MROH2A: variants seen among roughly 807,000 people sequenced by gnomAD.
MROH2A encodes the protein maestro heat-like repeat-containing protein family member 2A.
A neutral mutation model predicts 200.4 loss-of-function variants in MROH2A; 174 were observed. The ratio of observed to expected loss-of-function variants is 0.87; its 90% confidence interval spans 0.77 to 0.98. The LOEUF (loss-of-function observed/expected upper bound fraction) is 0.98. Ranked by LOEUF, MROH2A falls within the 50% of genes least tolerant of loss-of-function variation. MROH2A has a pLI of 0.00. For synonymous variants in MROH2A, 829 were observed against 840.4 expected (o/e 0.99, Z 0.23); for missense variants, 2,045 against 2,139.6 (o/e 0.96, Z 0.87).
chr2:233,799,274 C>T (rs1199712860), intron 12 of MROH2A, among the ~76,000 whole-genome samples: 2 of 152,160 alleles, frequency 1.3e-5, no homozygotes, highest in East Asian at 1.9e-4. Flanking sequence ...TGGTTCTGGC[C>T]ATGGGCTGGG....
Position 233,779,441 on chromosome 2 carries a change from T to TA in MROH2A, c.84dup (p.His29ThrfsTer2). 6.5e-7 allele frequency: 1 copy of TA among 1,548,738 alleles called. No homozygotes were observed. Among genetic ancestry groups the TA allele is most frequent in the Non-Finnish European group, 8.7e-7 (1 of 1,145,466 alleles). On this transcript the variant is annotated frameshift_variant, in exon 2 of 42. Coordinates refer to ENST00000389758, the MANE Select transcript of MROH2A (RefSeq NM_001394639.1). LOFTEE classifies it high-confidence loss of function. ...AGAGACGACCTGGGGCCTCTTGAAT[T>TA]ACATGACAGTGGTAAGAATGTCATC...
intron 24 of MROH2A, among the ~76,000 whole-genome samples, 156 bp from the exon 25 acceptor site, chr2:233,813,514 A>T (rs1202687009): frequency 6.6e-6 from 1 of 152,214 alleles, no homozygotes; most frequent in African/African-American, 2.4e-5. Flanking sequence ...GGTCAGAGCC[A>T]GGGCCCCTGG....
rs1208823169 is a variant in MROH2A, at chr2:233,796,061, A to G, written c.1138+16A>G. The G allele has an allele frequency of 1.3e-6, 2 of 1,549,618 alleles. No individual in the cohort carries two copies. The highest frequency in any genetic ancestry group is 1.7e-6 in the Non-Finnish European group (2 of 1,146,478). On this transcript the variant is annotated intron_variant, in intron 10 of 41. Transcript: ENST00000389758. ...GTAGCCCTTGGTGAGGCTCTGCGGC[A>G]GGGTGCTCCCTGCCTGCCCCGAGGC...
rs758544491 is a variant in MROH2A, at chr2:233,793,816, A to G, written c.814A>G (p.Asn272Asp). The G allele has an allele frequency of 7.7e-6, 11 of 1,421,348 alleles. No homozygotes were observed. The highest frequency in any genetic ancestry group is 1.0e-5 in the Non-Finnish European group (11 of 1,084,278). 88.0% of individuals were successfully genotyped at this position (1,421,348 alleles called of 1,614,324 possible). The change falls in exon 7 of 42, where the codon AAC becomes GAC. Residue 272 changes from asparagine (N) to aspartate (D), a missense_variant. This residue lies in a region of MROH2A where 831 missense variants were observed against 800.0 expected (regional missense o/e 1.04). Transcript: ENST00000389758. ...YFVTVWLRHY[N>D]PEVKLGVIKS... ...CGTGACAGTGTGGCTGAGGCACTAC[A>G]ACCCCGAGGTGAGATGCACCCCTCT...
chr2:233,823,322 A>G (rs1224466433), intron 34 of MROH2A, among the ~76,000 whole-genome samples: 1 of 152,202 alleles, frequency 6.6e-6, no homozygotes, highest in Non-Finnish European at 1.5e-5. Flanking sequence ...GTCACTCCGG[A>G]GCCGCCCTCA....
chr2:233,798,474 A>C (rs2126120941), intron 11 of MROH2A, among the ~76,000 whole-genome samples: 1 of 152,312 alleles, frequency 6.6e-6, no homozygotes, highest in Middle Eastern at 3.4e-3. Flanking sequence ...CTTCATGCCC[A>C]GTGCTCTGTG....
chr2:233,809,970 T>C (rs1459934102), intron 22 of MROH2A, among the ~76,000 whole-genome samples: 1 of 152,200 alleles, frequency 6.6e-6, no homozygotes, highest in African/African-American at 2.4e-5. Flanking sequence ...CTTTGACTAG[T>C]CCAGGTACCT....
In MROH2A at chr2:233,809,163, C is replaced by T. The variant is rs1702992051; in HGVS notation, c.2333C>T (p.Ala778Val). ...HPWRRETVKS[A>V]LMVMYSCVAS... ...TGGAGGCGGGAGACAGTGAAAAGTG[C>T]CCTCATGGTGATGTATAGCTGCGTG... The change falls in exon 22 of 42, where the codon GCC (alanine) becomes GTC (valine). Residue 778 changes from alanine to valine, a missense_variant. Around this residue, in one of 3 missense-constraint regions of MROH2A, gnomAD observed 1,201 missense variants for 1,311.3 expected, o/e 0.92. Coordinates refer to ENST00000389758, the MANE Select transcript of MROH2A (RefSeq NM_001394639.1). The T allele has an allele frequency of 1.3e-6, 2 of 1,550,432 alleles. No individual in the cohort carries two copies. Among genetic ancestry groups the T allele is most frequent in the African/African-American group, 2.7e-5 (2 of 73,134 alleles).
rs959703010 is a variant in MROH2A at position 233,807,022 on chromosome 2, T to TA, written c.2053-400dup. Among the ~76,000 whole-genome samples, 1 of 152,124 alleles carries TA rather than the reference T, an allele frequency of 6.6e-6. No homozygotes were observed. Among genetic ancestry groups the TA allele is most frequent in the African/African-American group, 2.4e-5 (1 of 41,424 alleles). On this transcript the variant is annotated intron_variant, in intron 19 of 41. Coordinates refer to ENST00000389758, the MANE Select transcript of MROH2A (RefSeq NM_001394639.1). The surrounding 1 kb of genome is among the most constrained non-coding windows in gnomAD (Gnocchi z 4.3). Reference sequence around the variant, plus strand: ...GCATCCTCATAGCTTAGCTCCCACTTATGAGTGAGAACATACGACGTTTGG... The same window carrying TA: ...GCATCCTCATAGCTTAGCTCCCACTTAATGAGTGAGAACATACGACGTTTGG...
rs555370776 is a variant in MROH2A, at chr2:233,822,536, G to A, written c.3846G>A (p.Pro1282=). The A allele has an allele frequency of 1.7e-5, 26 of 1,550,002 alleles. No individual in the cohort carries two copies. The highest frequency in any genetic ancestry group is 1.7e-4 in the Middle Eastern group (1 of 5,992). Residue 1282 remains proline, a synonymous_variant, in exon 33 of 42, where the codon CCG becomes CCA. Transcript: ENST00000389758. ...AGCTGGTCCACACCACTCCTCTGCC[G>A]GAGGAGATGAACCTGCAAAGGTGCT... The part of the protein sequence containing the change: ...MWKLVHTTPL[P]EEMNLQRVTI...
upstream of MROH2A, among the ~76,000 whole-genome samples, chr2:233,776,576 T>C (rs755638671): frequency 1.3e-5 from 2 of 152,090 alleles, no homozygotes; most frequent in Non-Finnish European, 1.5e-5. Context: ...AAAAAAAGTA[T>C]TTTCAATTTG....
At position 233,832,181 on chromosome 2, in the gene MROH2A, G is replaced by A. The variant is rs867388660; in HGVS notation, c.4739G>A (p.Arg1580Gln). Reference protein sequence around the residue: ...FQTTMCSILTRKKPAVLYRFL... With the variant: ...FQTTMCSILTQKKPAVLYRFL... ...TGTATCACTTACTTTTTGCAGACTC[G>A]GAAAAAGCCGGCTGTTCTCTACCGC... The change falls in exon 40 of 42, where the codon CGG becomes CAG. Residue 1580 changes from arginine (R) to glutamine (Q), a missense_variant. Arg to Gln is a conservative substitution (Grantham distance 43). Coordinates refer to ENST00000389758, the MANE Select transcript of MROH2A (RefSeq NM_001394639.1). 2.5e-5 allele frequency: 39 copies of A among 1,550,036 alleles called. No homozygotes were observed. Among genetic ancestry groups the A allele is most frequent in the Admixed American group, 7.9e-5 (4 of 50,926 alleles).
In MROH2A at chr2:233,799,857, G is replaced by T. The variant is rs772644631; in HGVS notation, c.1407G>T (p.Leu469=). The T allele has an allele frequency of 2.6e-6, 4 of 1,550,546 alleles. No homozygotes were observed. The South Asian group carries it at 4.8e-5, about 18-fold the overall frequency. Residue 469 remains leucine (L), a synonymous_variant, in exon 13 of 42, where the codon CTG becomes CTT. Coordinates refer to ENST00000389758, the MANE Select transcript of MROH2A (RefSeq NM_001394639.1). ...GYQERIKGWG[L]KYLSVQLTLS... ...AGGAGAGAATCAAAGGCTGGGGCCTGAAGTACCTGTCTGTGCAGCTGACCT... is the reference window on the plus strand; with the variant it reads ...AGGAGAGAATCAAAGGCTGGGGCCTTAAGTACCTGTCTGTGCAGCTGACCT...
rs1357093724 is a variant in MROH2A, at chr2:233,791,485, T to A, written c.572-1311T>A. 5.9e-5 allele frequency among the ~76,000 whole-genome samples: 9 copies of A among 152,046 alleles called. No homozygotes were observed. In the South Asian group the frequency reaches 1.3e-3, roughly 21 times the overall value. On this transcript the variant is annotated intron_variant, in intron 5 of 41. Transcript: ENST00000389758. Reference sequence around the variant, plus strand: ...TGCTGTGTGTGGAGCTCATGTTGCCTGTGGGAGCCCCCAGGGGAGAGGTGA... The same window carrying A: ...TGCTGTGTGTGGAGCTCATGTTGCCAGTGGGAGCCCCCAGGGGAGAGGTGA...
At chr2:233,829,170 G>T in intron 37 of MROH2A, 98 bp downstream of exon 37, 1 of 1,169,750 alleles carries the variant, frequency 8.5e-7, no homozygotes. Flanking sequence ...AAAGAGCCGA[G>T]GCTCCTGCTG....
At chr2:233,813,603 G>C in intron 24 of MROH2A, 67 bp from the exon 25 acceptor site, 1 of 943,134 alleles carries the variant, frequency 1.1e-6, no homozygotes, top group Non-Finnish European at 1.7e-6. Flanking sequence ...GCCCAGATTG[G>C]GCAGTGGGGC....
At position 233,796,061 on chromosome 2, in the gene MROH2A, AG is replaced by A; in HGVS notation, c.1138+19del. The A allele has an allele frequency of 6.5e-7, 1 of 1,549,736 alleles. No homozygotes were observed. Among genetic ancestry groups the A allele is most frequent in the Non-Finnish European group, 8.7e-7 (1 of 1,146,470 alleles). On this transcript the variant is annotated intron_variant, in intron 10 of 41. Transcript: ENST00000389758. The stretch of plus-strand genomic sequence containing the variant: ...GTAGCCCTTGGTGAGGCTCTGCGGC[AG>A]GGTGCTCCCTGCCTGCCCCGAGGCC...
At chr2:233,796,335 G>T in intron 11 of MROH2A, 22 bp downstream of exon 11, 1 of 378,088 alleles carries the variant, frequency 2.6e-6, no homozygotes. Flanking sequence ...AGGGTGGGTG[G>T]GGTGGGCGGG....
Position 233,794,375 on chromosome 2 carries a change from G to C in MROH2A, c.835G>C (p.Val279Leu). 1 of 1,550,390 alleles carries C rather than the reference G, an allele frequency of 6.4e-7. No homozygotes were observed. The highest frequency in any genetic ancestry group is 8.7e-7 in the Non-Finnish European group (1 of 1,146,870). The stretch of plus-strand genomic sequence containing the variant: ...TTTCTGGTGGCAGGTGAAGCTGGGG[G>C]TGATCAAGTCCCTGAAGCCCATGCT... ...RHYNPEVKLG[V>L]IKSLKPMLGL... The change falls in exon 8 of 42, where the codon GTG becomes CTG. Residue 279 changes from valine to leucine, a missense_variant. Around this residue, in one of 3 missense-constraint regions of MROH2A, gnomAD observed 831 missense variants for 800.0 expected, o/e 1.04. Coordinates refer to ENST00000389758, the MANE Select transcript of MROH2A (RefSeq NM_001394639.1).
Sources: gnomAD v4.1 joint callset for allele counts (sites outside exome capture counted in the v4.1 genomes callset) on GRCh38, gnomAD v4.1.1 for gene constraint, gnomAD v4.1.1 regional missense constraint, Gnocchi (gnomAD v3.1) non-coding constraint, MANE v1.5 for transcripts, NCBI Gene and HGNC (gene_info 2026-07-23, HGNC 2026-07-21) for gene names.